GOLGA4: variants seen among roughly 807,000 people sequenced by gnomAD.
The protein encoded by GOLGA4 is golgin subfamily A member 4.
Under a neutral mutation model 265.9 loss-of-function variants are expected in GOLGA4, and 169 were observed. The ratio of observed to expected loss-of-function variants is 0.64; its 90% CI spans 0.56 to 0.72. GOLGA4 has a LOEUF of 0.72. Among genes scored for constraint, GOLGA4 ranks in the 30% least tolerant of loss-of-function variants. GOLGA4 has a pLI of 0.00. For missense variants in GOLGA4, 2,482 were observed against 2,483.4 expected, an observed-to-expected ratio of 1.00 and a Z score of 0.01; for synonymous variants, 923 against 855.8, an observed-to-expected ratio of 1.08 and a Z score of -1.37.
intron 3 of GOLGA4, among the ~76,000 whole-genome samples, chr3:37,283,871 C>A (rs181643849): frequency 6.6e-6 from 1 of 152,064 alleles, no homozygotes; most frequent in Non-Finnish European, 1.5e-5. Context: ...GTACCATTCC[C>A]GTAGATGTTA....
At chr3:37,293,106 T>C (rs941299196) in intron 5 of GOLGA4, among the ~76,000 whole-genome samples, 1 of 152,188 alleles carries the variant, frequency 6.6e-6, no homozygotes, top group Admixed American at 6.5e-5. Context: ...AAAATTATTC[T>C]AGCAAATGTG....
intron 23 of GOLGA4, among the ~76,000 whole-genome samples, chr3:37,361,557 T>C (rs1275551511): frequency 6.6e-6 from 1 of 152,244 alleles, no homozygotes; most frequent in Non-Finnish European, 1.5e-5. Flanking sequence ...AAAATTGCTC[T>C]TTGAAATTTT....
chr3:37,269,738 C>T (rs2096793008), intron 2 of GOLGA4, among the ~76,000 whole-genome samples: 1 of 152,034 alleles, frequency 6.6e-6, no homozygotes, highest in Non-Finnish European at 1.5e-5. Flanking sequence ...CACAGGGCAA[C>T]TTAGGCCAGT....
rs114093718 is a variant in GOLGA4 at position 37,274,684 on chromosome 3, C to A, written c.163-7274C>A. On this transcript the variant is annotated intron_variant, in intron 2 of 23. Coordinates refer to ENST00000361924, the MANE Select transcript of GOLGA4 (RefSeq NM_002078.5). ...CTCCAGCTTGGATGACAGAGTGAGA[C>A]CCTGTCTCAAGGAAAAAAAAAAAAT... 9.2e-3 allele frequency among the ~76,000 whole-genome samples: 1,329 copies of A among 143,882 alleles called. 12 individuals carry two copies. Among genetic ancestry groups the A allele is most frequent in the Non-Finnish European group, 0.015 (971 of 63,610 alleles). 94.4% of individuals were successfully genotyped at this position (143,882 alleles called of 152,430 possible). A position where few individuals can be genotyped will look rare whatever the true frequency, so the allele number is the denominator to read the frequency against.
At chr3:37,354,459 A>G (rs1335990928) in intron 21 of GOLGA4, among the ~76,000 whole-genome samples, 2 of 152,078 alleles carry the variant, frequency 1.3e-5, no homozygotes, top group East Asian at 1.9e-4. Context: ...CCAGGAGCTT[A>G]TGGGTGACAG....
chr3:37,291,195 T>G (rs1270821226), intron 5 of GOLGA4, among the ~76,000 whole-genome samples: 1 of 152,214 alleles, frequency 6.6e-6, no homozygotes, highest in Non-Finnish European at 1.5e-5. Context: ...ACATTCGCAT[T>G]ATTTAAATAT....
intron 12 of GOLGA4, chr3:37,320,311 C>T (rs1283267752): frequency 6.6e-6 from 1 of 151,978 alleles, no homozygotes; most frequent in Non-Finnish European, 1.5e-5. Flanking sequence ...AAATTATTAT[C>T]CGTAAGATAA....
chr3:37,249,814 T>G (rs928392232), intron 1 of GOLGA4: 3 of 152,244 alleles, frequency 2.0e-5, no homozygotes, highest in African/African-American at 7.2e-5. Context: ...AAGTCTGAGC[T>G]GATTGCTACG....
chr3:37,324,738 A>G lies in GOLGA4; in HGVS notation c.2852A>G (p.Asn951Ser). 2 of 1,585,534 alleles carry G rather than the reference A, an allele frequency of 1.3e-6. No homozygotes were observed. The highest frequency in any genetic ancestry group is 1.7e-6 in the Non-Finnish European group (2 of 1,172,380). ...LNEEYETKFK[N>S]QEKKMEKVKQ... ...GAGGAATATGAAACCAAATTTAAAAACCAAGAAAAAAAGATGGAAAAAGTT... is the reference window on the plus strand; with the variant it reads ...GAGGAATATGAAACCAAATTTAAAAGCCAAGAAAAAAAGATGGAAAAAGTT... Residue 951 changes from asparagine to serine, a missense_variant, in exon 14 of 24, where the codon AAC becomes AGC. Asn to Ser is a conservative substitution (Grantham distance 46). Around this residue, in one of 3 missense-constraint regions of GOLGA4, gnomAD observed 1,536 missense variants for 1,483.7 expected, o/e 1.04. Transcript: ENST00000361924.
At chr3:37,357,076 GTTTGT>G in intron 22 of GOLGA4, among the ~76,000 whole-genome samples, 1 of 152,052 alleles carries the variant, frequency 6.6e-6, no homozygotes, top group Middle Eastern at 3.4e-3. Flanking sequence ...GACAAAAAAG[GTTTGT>G]TTTTGTTAAG....
Position 37,328,523 on chromosome 3 carries a change from T to C in GOLGA4, c.6047T>C (p.Ile2016Thr). ...AQKEQELEMT[I>T]KETINKAQEV... The stretch of plus-strand genomic sequence containing the variant: ...AAGGAACAAGAGCTGGAAATGACCA[T>C]AAAAGAAACTATCAGTAAGTAAAAT... Residue 2016 changes from isoleucine to threonine, a missense_variant, in exon 15 of 24, where the codon ATA becomes ACA. Ile to Thr is a moderately conservative substitution (Grantham distance 89). Transcript: ENST00000361924. The C allele has an allele frequency of 1.2e-6, 2 of 1,611,376 alleles. No homozygotes were observed. Among genetic ancestry groups the C allele is most frequent in the South Asian group, 2.2e-5 (2 of 90,672 alleles).
chr3:37,308,638 CAG>C (rs2096914004), intron 10 of GOLGA4, among the ~76,000 whole-genome samples: 1 of 150,962 alleles, frequency 6.6e-6, no homozygotes, highest in African/African-American at 2.4e-5. Flanking sequence ...TTTTTTGAGA[CAG>C]AGTCTCACTC....
intron 10 of GOLGA4, among the ~76,000 whole-genome samples, chr3:37,308,946 T>G (rs902327535): frequency 1.3e-5 from 2 of 152,006 alleles, no homozygotes; most frequent in Admixed American, 1.3e-4. Context: ...TTTGTTTAAT[T>G]CATTTTTAAA....
At chr3:37,328,846 A>G (rs1329885150) in intron 15 of GOLGA4, 117 bp from the exon 16 acceptor site, 49 of 850,452 alleles carry the variant, frequency 5.8e-5, no homozygotes, top group Non-Finnish European at 6.8e-5. Flanking sequence ...TAAAATGCTT[A>G]TATAAAATTA....
intron 9 of GOLGA4, among the ~76,000 whole-genome samples, chr3:37,301,871 C>T (rs1300541840): frequency 6.6e-6 from 1 of 152,142 alleles, no homozygotes; most frequent in African/African-American, 2.4e-5. Context: ...TCACTTCAAC[C>T]TCTGCCCCCT....
At chr3:37,351,498 A>G (rs2151056880) in intron 21 of GOLGA4, among the ~76,000 whole-genome samples, 1 of 152,300 alleles carries the variant, frequency 6.6e-6, no homozygotes, top group Non-Finnish European at 1.5e-5. Flanking sequence ...AATCCTTTTC[A>G]GAAGTTCTTC....
chr3:37,334,975 A>T (rs1014572158), intron 16 of GOLGA4, 78 bp from the exon 17 acceptor site: 1 of 776,314 alleles, frequency 1.3e-6, no homozygotes, highest in African/African-American at 1.8e-5. Context: ...GCCTCTCCAG[A>T]GTGCTTTTTT....
At chr3:37,339,559 T>G (rs1222319613) in intron 19 of GOLGA4, among the ~76,000 whole-genome samples, 1 of 152,192 alleles carries the variant, frequency 6.6e-6, no homozygotes, top group African/African-American at 2.4e-5. Flanking sequence ...CACCAACAAG[T>G]TTTTTGATTA....
Position 37,335,140 on chromosome 3 carries a change from CAGG to C in GOLGA4, c.6286_6288del (p.Glu2096del), listed in dbSNP as rs753525258. On this transcript the variant is annotated inframe_deletion, in exon 17 of 24. Coordinates refer to ENST00000361924, the MANE Select transcript of GOLGA4 (RefSeq NM_002078.5). ...GAAGAAATACCAGCAAAAGCTAGAG[CAGG>C]AGGAGAACCCTGGCAATGATAATGT... The C allele has an allele frequency of 2.0e-5, 32 of 1,597,376 alleles. No homozygotes were observed. In the Admixed American group the frequency reaches 4.1e-4, roughly 20 times the overall value.
Sources: gnomAD v4.1 joint callset for allele counts (sites outside exome capture counted in the v4.1 genomes callset) on GRCh38, gnomAD v4.1.1 for gene constraint, gnomAD v4.1.1 regional missense constraint, MANE v1.5 for transcripts, NCBI Gene and HGNC (gene_info 2026-07-23, HGNC 2026-07-21) for gene names.